The following GFOD2 variants were observed in gnomAD, a reference collection of about 807,000 sequenced individuals.
The protein encoded by GFOD2 is Gfo/Idh/MocA-like oxidoreductase domain containing 2.
Under a neutral mutation model 24.6 loss-of-function variants are expected in GFOD2, and 9 were observed. That is an observed-to-expected ratio of 0.37 (90% CI 0.22 to 0.64). The LOEUF (loss-of-function observed/expected upper bound fraction) is 0.64. GFOD2 is among the 30% of genes least tolerant of loss of function. The pLI, the probability that GFOD2 is intolerant of heterozygous loss-of-function variation, is 0.65. For missense variants in GFOD2, 476 were observed against 532.5 expected (o/e 0.89, Z 1.04); for synonymous variants, 211 against 224.8 (o/e 0.94, Z 0.55).
chr16:67,687,503 TG>T (rs1208524307), intron 1 of GFOD2, among the ~76,000 whole-genome samples: 1 of 151,368 alleles, frequency 6.6e-6, no homozygotes, highest in Non-Finnish European at 1.5e-5. Context: ...TAGCCAGTTG[TG>T]GTGGTGGGTG....
chr16:67,674,771 A>G lies in GFOD2; in HGVS notation c.*384T>C, dbSNP rs186976844. On this transcript the variant is annotated 3_prime_UTR_variant, in exon 3 of 3. Transcript: ENST00000268797. ...GATGCCCCAGCCCAAGAACGAAACA[A>G]AACTTCTCATCATTTCTCCTCAGGC... The G allele has an allele frequency of 3.4e-4, 61 of 180,274 alleles. No individual in the cohort carries two copies. In the East Asian group the frequency reaches 6.3e-3, roughly 19 times the overall value. The allele number at this position is 180,274 out of a possible 1,614,324, so 11.2% of individuals were successfully genotyped here.
At chr16:67,681,043 G>A in intron 2 of GFOD2, 6 of 985,428 alleles carry the variant, frequency 6.1e-6, no homozygotes, top group Non-Finnish European at 7.2e-6. Flanking sequence ...GCTTCTGGAG[G>A]GTCTCCAGTG....
intron 2 of GFOD2, chr16:67,681,691 G>A: frequency 1.0e-6 from 1 of 982,948 alleles, no homozygotes; most frequent in Non-Finnish European, 1.2e-6. Flanking sequence ...TTAGAGGTGT[G>A]AGGCACTGAG....
chr16:67,681,474 T>A (rs1335486735), intron 2 of GFOD2: 5 of 916,650 alleles, frequency 5.5e-6, no homozygotes, highest in Non-Finnish European at 5.2e-6. Context: ...AGTGGTATAA[T>A]CTTGGCTCAT....
chr16:67,701,860 T>C (rs1349813847), intron 1 of GFOD2, among the ~76,000 whole-genome samples: 3 of 151,270 alleles, frequency 2.0e-5, no homozygotes, highest in Non-Finnish European at 4.4e-5. Context: ...AAGAGAAACA[T>C]GGAACCCAAA....
intron 1 of GFOD2, among the ~76,000 whole-genome samples, chr16:67,715,350 G>T (rs893152685): frequency 6.6e-6 from 1 of 152,172 alleles, no homozygotes; most frequent in African/African-American, 2.4e-5. Flanking sequence ...ATGAGCCACC[G>T]CGCCTGGCTC....
intron 1 of GFOD2, among the ~76,000 whole-genome samples, chr16:67,703,630 C>T (rs115881219): frequency 0.047 from 7,136 of 152,166 alleles, 475 homozygotes; most frequent in African/African-American, 0.15. Context: ...AACACAATTT[C>T]TTGCAGATTT....
intron 1 of GFOD2, among the ~76,000 whole-genome samples, chr16:67,713,596 C>T (rs1236058581): frequency 6.6e-6 from 1 of 152,152 alleles, no homozygotes; most frequent in Non-Finnish European, 1.5e-5. Flanking sequence ...GCTCACAGAA[C>T]TCTGGGAAAC....
chr16:67,718,938 C>T (rs898923128), intron 1 of GFOD2, among the ~76,000 whole-genome samples: 2 of 152,208 alleles, frequency 1.3e-5, no homozygotes, highest in Admixed American at 6.5e-5. Context: ...AATTCTACCA[C>T]CAAGCCTGCG....
rs748214647 is a variant in GFOD2 at position 67,675,893 on chromosome 16, G to A, written c.420C>T (p.His140=). ...FVRMKQLISE[H]YVGAVMICDA... is the part of the protein sequence containing the mutation. ...CACAGATCATCACCGCTCCCACATA[G>A]TGTTCCGAAATCAGCTGTTTCATGC... Residue 140 remains histidine, a synonymous_variant, in exon 3 of 3, where the codon CAC becomes CAT. Coordinates refer to ENST00000268797, the MANE Select transcript of GFOD2 (RefSeq NM_030819.4). The A allele has an allele frequency of 6.2e-7, 1 of 1,614,176 alleles. No individual in the cohort carries two copies. The highest frequency in any genetic ancestry group is 1.6e-4 in the Middle Eastern group (1 of 6,062).
intron 2 of GFOD2, chr16:67,683,615 T>TA (rs1419496096): frequency 2.2e-5 from 27 of 1,231,642 alleles, no homozygotes; most frequent in Admixed American, 4.2e-5. Context: ...GGCCAAAACT[T>TA]ACTTGCTCCA....
Position 67,685,757 on chromosome 16 carries a change from T to G in GFOD2, c.-42A>C. On this transcript the variant is annotated 5_prime_UTR_variant, in exon 2 of 3. Coordinates refer to ENST00000268797, the MANE Select transcript of GFOD2 (RefSeq NM_030819.4). ...ACCAACTCATCTCCTCACAAGAGCC[T>G]CTGGCATGGATATGATCTTCCAAAC... is the stretch of plus-strand genomic sequence containing the variant. 6.3e-7 allele frequency: 1 copy of G among 1,584,060 alleles called. No individual in the cohort carries two copies. Among genetic ancestry groups the G allele is most frequent in the Non-Finnish European group, 8.6e-7 (1 of 1,167,602 alleles).
intron 1 of GFOD2, among the ~76,000 whole-genome samples, chr16:67,706,305 T>C (rs1377153597): frequency 6.6e-6 from 1 of 152,136 alleles, no homozygotes; most frequent in African/African-American, 2.4e-5. Flanking sequence ...TTACAAAATA[T>C]GCTTTTTATT....
intron 1 of GFOD2, among the ~76,000 whole-genome samples, chr16:67,695,812 AG>A (rs1174143047): frequency 6.6e-6 from 1 of 152,154 alleles, no homozygotes; most frequent in East Asian, 1.9e-4. Flanking sequence ...CTAAGATTAC[AG>A]GCATAAGCCA....
chr16:67,692,403 A>T (rs1219185347), intron 1 of GFOD2, among the ~76,000 whole-genome samples: 2 of 151,876 alleles, frequency 1.3e-5, no homozygotes, highest in African/African-American at 2.4e-5. Context: ...ACATGGCAAA[A>T]CCCCATCTAT....
In GFOD2 at chr16:67,688,025, G is replaced by C. The variant is rs144963654; in HGVS notation, c.-87-2223C>G. Among the ~76,000 whole-genome samples the C allele has an allele frequency of 1.2e-3, 186 of 152,230 alleles. 1 individual carries two copies. Among genetic ancestry groups the C allele is most frequent in the African/African-American group, 4.0e-3 (168 of 41,552 alleles). On this transcript the variant is annotated intron_variant, in intron 1 of 2. Transcript: ENST00000268797. ...TATACAGATATTTACTATAGCATTG[G>C]CTATCATAGTGAAAAACTGGGAGAC...
At chr16:67,717,790 CGATAGATAGATA>C (rs56029322) in intron 1 of GFOD2, among the ~76,000 whole-genome samples, 1 of 151,158 alleles carries the variant, frequency 6.6e-6, no homozygotes, top group South Asian at 2.1e-4. Context: ...GACTCCGTCT[CGATAGATAGATA>C]GATAGATAGA....
At chr16:67,690,948 C>T (rs943597601) in intron 1 of GFOD2, among the ~76,000 whole-genome samples, 2 of 151,526 alleles carry the variant, frequency 1.3e-5, no homozygotes, top group African/African-American at 4.9e-5. Flanking sequence ...CTGCAACCTC[C>T]GCCTCTTGGG....
chr16:67,688,749 T>A (rs2053287147), intron 1 of GFOD2, among the ~76,000 whole-genome samples: 2 of 150,426 alleles, frequency 1.3e-5, no homozygotes, highest in African/African-American at 4.9e-5. Context: ...TTTTTTTTTT[T>A]TTTGAGACGG....
Sources: gnomAD v4.1 joint callset for allele counts (sites outside exome capture counted in the v4.1 genomes callset) on GRCh38, gnomAD v4.1.1 for gene constraint, MANE v1.5 for transcripts, NCBI Gene and HGNC (gene_info 2026-07-23, HGNC 2026-07-21) for gene names.